MGAT4C: variants seen among roughly 807,000 people sequenced by gnomAD.
MGAT4C encodes the protein alpha-1,3-mannosyl-glycoprotein 4-beta-N-acetylglucosaminyltransferase C.
In MGAT4C, 19 loss-of-function variants were observed where a neutral mutation model predicts 40.1. The observed-to-expected ratio is 0.47, with a 90% CI of 0.33 to 0.70. MGAT4C has a LOEUF of 0.70. Among genes scored for constraint, MGAT4C ranks in the 30% least tolerant of loss-of-function variants. The pLI is 0.02. For missense variants in MGAT4C, 491 were observed against 563.2 expected (o/e 0.87, Z 1.30); for synonymous variants, 181 against 187.1 (o/e 0.97, Z 0.27).
chr12:86,237,476 A>G (rs1951603263), intron 1 of MGAT4C, among the ~76,000 whole-genome samples: 1 of 151,958 alleles, frequency 6.6e-6, no homozygotes, highest in African/African-American at 2.4e-5. Context: ...CAATACAGCC[A>G]TAATAAAATT....
At chr12:86,399,457 A>G (rs934777780) in intron 3 of MGAT4C, among the ~76,000 whole-genome samples, 12 of 150,254 alleles carry the variant, frequency 8.0e-5, no homozygotes, top group Non-Finnish European at 1.6e-4. Context: ...AATTTTTTGT[A>G]TTTTTAGTAG....
At chr12:85,995,162 G>C (rs970512233) in intron 2 of MGAT4C, among the ~76,000 whole-genome samples, 3 of 152,122 alleles carry the variant, frequency 2.0e-5, no homozygotes, top group Non-Finnish European at 4.4e-5. Context: ...AAACCAAATA[G>C]GTAAGCCCTG....
At chr12:86,634,879 AAAG>A (rs749439142) in intron 2 of MGAT4C, among the ~76,000 whole-genome samples, 57 of 152,250 alleles carry the variant, frequency 3.7e-4, no homozygotes, top group Non-Finnish European at 7.1e-4. Context: ...GCCTTCATGA[AAAG>A]AAGGAGATTA....
chr12:86,732,945 C>T (rs999180786), intron 1 of MGAT4C, among the ~76,000 whole-genome samples: 2 of 151,990 alleles, frequency 1.3e-5, no homozygotes, highest in Admixed American at 1.3e-4. Flanking sequence ...CCTTTTCCCC[C>T]AGCCCAGCCA....
At chr12:86,508,523 G>A (rs1431498960) in intron 2 of MGAT4C, among the ~76,000 whole-genome samples, 1 of 151,710 alleles carries the variant, frequency 6.6e-6, no homozygotes, top group African/African-American at 2.4e-5. Flanking sequence ...AAACATACGT[G>A]TGCATGTGTC....
chr12:86,522,452 T>A (rs1219879226), intron 2 of MGAT4C, among the ~76,000 whole-genome samples: 1 of 152,176 alleles, frequency 6.6e-6, no homozygotes, highest in African/African-American at 2.4e-5. Flanking sequence ...AGATAAAGTC[T>A]ACTTGATCAT....
At chr12:86,618,867 G>A (rs1333772739) in intron 2 of MGAT4C, among the ~76,000 whole-genome samples, 1 of 152,006 alleles carries the variant, frequency 6.6e-6, no homozygotes, top group Non-Finnish European at 1.5e-5. Flanking sequence ...TGCAATGATA[G>A]ATAACCTAAA....
chr12:86,525,088 G>T (rs1351734243), intron 2 of MGAT4C, among the ~76,000 whole-genome samples: 1 of 151,978 alleles, frequency 6.6e-6, no homozygotes, highest in Admixed American at 6.6e-5. Flanking sequence ...ATATGGTTTG[G>T]CTCTGTGGAC....
chr12:86,812,546 C>G (rs906865432), intron 1 of MGAT4C, among the ~76,000 whole-genome samples: 1 of 152,038 alleles, frequency 6.6e-6, no homozygotes, highest in African/African-American at 2.4e-5. Context: ...CATTATTAAA[C>G]TTCTTTCTGT....
intron 2 of MGAT4C, among the ~76,000 whole-genome samples, chr12:86,545,320 A>G (rs1437073907): frequency 6.6e-6 from 1 of 152,052 alleles, no homozygotes. Flanking sequence ...TAGATAATAT[A>G]GTACACTTTT....
At chr12:86,194,107 T>A (rs746452812) in intron 1 of MGAT4C, among the ~76,000 whole-genome samples, 1 of 152,186 alleles carries the variant, frequency 6.6e-6, no homozygotes, top group African/African-American at 2.4e-5. Context: ...TGATGACTCA[T>A]CTTCCTGTTC....
chr12:86,623,777 A>G (rs1445490201), intron 2 of MGAT4C, among the ~76,000 whole-genome samples: 1 of 152,200 alleles, frequency 6.6e-6, no homozygotes, highest in Non-Finnish European at 1.5e-5. Context: ...TGTATGAAAC[A>G]TTTGTCAAAC....
intron 2 of MGAT4C, among the ~76,000 whole-genome samples, chr12:86,714,774 A>AAAGGAAGGAAGAAAGGAAGG (rs138319883): frequency 2.5e-4 from 35 of 141,504 alleles, no homozygotes; most frequent in African/African-American, 9.2e-4. Flanking sequence ...TGGAAGGGAA[A>AAAGGAAGGAAGAAAGGAAGG]AAGGAAGGAA....
intron 2 of MGAT4C, among the ~76,000 whole-genome samples, chr12:86,045,948 C>G (rs1327974576): frequency 6.6e-6 from 1 of 152,142 alleles, no homozygotes; most frequent in African/African-American, 2.4e-5. Flanking sequence ...TCCTGTCTCT[C>G]AAGGTCTGGT....
intron 2 of MGAT4C, among the ~76,000 whole-genome samples, chr12:86,494,891 A>C: frequency 6.6e-6 from 1 of 152,102 alleles, no homozygotes. Context: ...AGAAATAGTA[A>C]TAAGATATGT....
At chr12:86,089,071 A>G (rs534241125) in intron 1 of MGAT4C, among the ~76,000 whole-genome samples, 1 of 152,134 alleles carries the variant, frequency 6.6e-6, no homozygotes, top group Non-Finnish European at 1.5e-5. Flanking sequence ...ATACTAACAT[A>G]GATGAATCAC....
intron 2 of MGAT4C, among the ~76,000 whole-genome samples, chr12:86,570,786 C>T (rs1164140857): frequency 1.3e-5 from 2 of 152,018 alleles, no homozygotes; most frequent in Non-Finnish European, 2.9e-5. Flanking sequence ...CTATTACCCC[C>T]ATGTTATTTA....
chr12:86,042,867 C>CAAA (rs140809256), intron 2 of MGAT4C, among the ~76,000 whole-genome samples: 26 of 107,936 alleles, frequency 2.4e-4, no homozygotes, highest in Non-Finnish European at 3.4e-4. Flanking sequence ...GACTCTGTCT[C>CAAA]AAAAAAAAAA....
At chr12:86,344,839 G>A in intron 3 of MGAT4C, among the ~76,000 whole-genome samples, 1 of 151,202 alleles carries the variant, frequency 6.6e-6, no homozygotes, top group Admixed American at 6.6e-5. Context: ...GTTGCCCACT[G>A]CATTAATACA....
Sources: allele counts gnomAD v4.1 joint callset (sites outside exome capture counted in the v4.1 genomes callset), GRCh38; gene constraint gnomAD v4.1.1; transcripts MANE v1.5; gene names NCBI Gene and HGNC (gene_info 2026-07-23, HGNC 2026-07-21).